The following HS3ST4 variants were observed in gnomAD, a reference collection of about 807,000 sequenced individuals.
HS3ST4 encodes heparan sulfate-glucosamine 3-sulfotransferase 4, also known as heparan sulfate glucosamine 3-O-sulfotransferase 4.
Under a neutral mutation model 29.2 loss-of-function variants are expected in HS3ST4, and 17 were observed. The observed-to-expected ratio is 0.58, with a 90% confidence interval of 0.40 to 0.87. The LOEUF is 0.87. Among genes scored for constraint, HS3ST4 ranks in the 40% least tolerant of loss-of-function variants. The probability of loss-of-function intolerance (pLI) is 0.00; values close to 1 mark genes in which losing one functional copy is unlikely to be tolerated. For missense variants in HS3ST4, 627 were observed against 634.5 expected, an observed-to-expected ratio of 0.99 and a Z score of 0.13; for synonymous variants, 314 against 285.7, an observed-to-expected ratio of 1.10 and a Z score of -1.00.
chr16:25,854,348 G>A lies in HS3ST4; in HGVS notation c.734+161197G>A, dbSNP rs142969044. Among the ~76,000 whole-genome samples, 385 of 152,258 alleles carry A rather than the reference G, an allele frequency of 2.5e-3. 1 individual carries two copies. The highest frequency in any genetic ancestry group is 7.8e-3 in the African/African-American group (326 of 41,552). On this transcript the variant is annotated intron_variant, in intron 1 of 1. Transcript: ENST00000331351. ...GTCATGGCATTTGTAAACTGTCATC[G>A]TGCCAGTGGGAGTGACTTTAAGCAT...
chr16:25,981,262 A>G (rs921824335), intron 1 of HS3ST4, among the ~76,000 whole-genome samples: 4 of 152,006 alleles, frequency 2.6e-5, no homozygotes, highest in African/African-American at 9.7e-5. Flanking sequence ...GCTTGAACCC[A>G]GGAGGCGGAG....
At chr16:25,844,888 G>A (rs144765214) in intron 1 of HS3ST4, among the ~76,000 whole-genome samples, 1 of 152,290 alleles carries the variant, frequency 6.6e-6, no homozygotes, top group East Asian at 1.9e-4. Flanking sequence ...ACAAGATCAT[G>A]TTCTTTGCAG....
At chr16:26,134,988 T>G (rs1384544677) in intron 1 of HS3ST4, among the ~76,000 whole-genome samples, 1 of 152,210 alleles carries the variant, frequency 6.6e-6, no homozygotes, top group Non-Finnish European at 1.5e-5. Flanking sequence ...ATAATTTTCA[T>G]GCATCACAAA....
intron 1 of HS3ST4, among the ~76,000 whole-genome samples, chr16:25,859,313 T>C (rs139753663): frequency 1.3e-5 from 2 of 152,300 alleles, no homozygotes; most frequent in Admixed American, 6.5e-5. Flanking sequence ...TTCACACATA[T>C]TATCTTATTT....
At chr16:26,129,633 G>T (rs1367210071) in intron 1 of HS3ST4, among the ~76,000 whole-genome samples, 1 of 152,180 alleles carries the variant, frequency 6.6e-6, no homozygotes, top group East Asian at 1.9e-4. Flanking sequence ...TTATTAGTAT[G>T]ATGCCTGGTT....
intron 1 of HS3ST4, among the ~76,000 whole-genome samples, chr16:25,855,744 T>G (rs1315214741): frequency 6.6e-6 from 1 of 152,194 alleles, no homozygotes; most frequent in African/African-American, 2.4e-5. Context: ...TGTGTGTGTT[T>G]GTGTGTGTAT....
chr16:25,846,371 A>C (rs1278781259), intron 1 of HS3ST4, among the ~76,000 whole-genome samples: 1 of 152,268 alleles, frequency 6.6e-6, no homozygotes, highest in South Asian at 2.1e-4. Flanking sequence ...CTGTCTCTAC[A>C]AAAAATAAAA....
chr16:25,957,671 G>A (rs927264005), intron 1 of HS3ST4, among the ~76,000 whole-genome samples: 2 of 152,036 alleles, frequency 1.3e-5, no homozygotes, highest in African/African-American at 4.8e-5. Flanking sequence ...TGCCCGCCTC[G>A]GCCTCCCAAA....
chr16:25,761,090 G>A (rs1966786143), intron 1 of HS3ST4, among the ~76,000 whole-genome samples: 1 of 152,318 alleles, frequency 6.6e-6, no homozygotes, highest in Non-Finnish European at 1.5e-5. Flanking sequence ...GAGCCAAAAG[G>A]AGTCAGGTTG....
intron 1 of HS3ST4, among the ~76,000 whole-genome samples, chr16:25,834,387 T>C (rs1967336413): frequency 6.6e-6 from 1 of 152,172 alleles, no homozygotes; most frequent in Non-Finnish European, 1.5e-5. Flanking sequence ...AATTCTGGCA[T>C]TGAGGTGCAA....
chr16:25,724,076 T>C (rs1163762436), intron 1 of HS3ST4, among the ~76,000 whole-genome samples: 1 of 129,312 alleles, frequency 7.7e-6, no homozygotes, highest in African/African-American at 2.9e-5. Flanking sequence ...GTCGTGCCAT[T>C]GCACTCCAGC....
At chr16:25,889,523 T>C (rs540105855) in intron 1 of HS3ST4, among the ~76,000 whole-genome samples, 20 of 152,268 alleles carry the variant, frequency 1.3e-4, no homozygotes, top group Admixed American at 1.2e-3. Flanking sequence ...CACTTAGAAA[T>C]CTGAGGACTG....
At chr16:25,985,952 C>T (rs561094250) in intron 1 of HS3ST4, among the ~76,000 whole-genome samples, 5 of 152,252 alleles carry the variant, frequency 3.3e-5, no homozygotes, top group East Asian at 1.9e-4. Flanking sequence ...CCCAAAGTTC[C>T]GGGATTACAG....
chr16:25,876,512 C>A (rs1186792097), intron 1 of HS3ST4, among the ~76,000 whole-genome samples: 1 of 152,116 alleles, frequency 6.6e-6, no homozygotes, highest in Non-Finnish European at 1.5e-5. Context: ...CACATTCTTA[C>A]AGCACTGAAT....
intron 1 of HS3ST4, among the ~76,000 whole-genome samples, chr16:26,030,563 C>T (rs2141753069): frequency 6.6e-6 from 1 of 152,264 alleles, no homozygotes. Flanking sequence ...CCTTCTATAA[C>T]CCAATTAAGT....
At position 25,949,051 on chromosome 16, in the gene HS3ST4, A is replaced by ATT. The variant is rs60809810; in HGVS notation, c.735-186551_735-186550dup. ...TTTTTGGAGCAAGTGTTATCTGGTA[A>ATT]TTTTTTTTTTTAAAGTATTTTTAGT... On this transcript the variant is annotated intron_variant, in intron 1 of 1. Coordinates refer to ENST00000331351, the MANE Select transcript of HS3ST4 (RefSeq NM_006040.3). 4.5e-3 allele frequency among the ~76,000 whole-genome samples: 681 copies of ATT among 149,952 alleles called. 24 individuals are homozygous for ATT. Among genetic ancestry groups the ATT allele is most frequent in the Admixed American group, 0.038 (569 of 15,040 alleles).
chr16:25,724,189 A>T lies in HS3ST4; in HGVS notation c.734+31038A>T, dbSNP rs575112102. On this transcript the variant is annotated intron_variant, in intron 1 of 1. Coordinates refer to ENST00000331351, the MANE Select transcript of HS3ST4 (RefSeq NM_006040.3). ...AAAAATATAAACATTTTGAGCCAGG[A>T]TAGTGTCTGTATTCAAGAAAGATTT... 5.3e-5 allele frequency among the ~76,000 whole-genome samples: 8 copies of T among 152,016 alleles called. No homozygotes were observed. The South Asian group carries it at 1.7e-3, about 32-fold the overall frequency.
chr16:25,855,920 G>T (rs1238960729), intron 1 of HS3ST4, among the ~76,000 whole-genome samples: 1 of 151,966 alleles, frequency 6.6e-6, no homozygotes, highest in African/African-American at 2.4e-5. Context: ...AGGATAGAGG[G>T]GCCTGGAATG....
intron 1 of HS3ST4, among the ~76,000 whole-genome samples, chr16:25,925,280 A>C (rs116022428): frequency 0.049 from 7,502 of 151,808 alleles, 621 homozygotes; most frequent in African/African-American, 0.17. Flanking sequence ...ATCATCAGCC[A>C]GCAACATTAG....
Sources: gnomAD v4.1 joint callset for allele counts (sites outside exome capture counted in the v4.1 genomes callset) on GRCh38, gnomAD v4.1.1 for gene constraint, MANE v1.5 for transcripts, NCBI Gene and HGNC (gene_info 2026-07-23, HGNC 2026-07-21) for gene names.